Variants in ARSB observed in about 807,000 individuals in gnomAD.
The protein encoded by ARSB is arylsulfatase B, also known as N-acetylgalactosamine-4-sulfatase.
Under a neutral mutation model 50.9 loss-of-function variants are expected in ARSB, and 41 were observed. The observed-to-expected ratio is 0.81, with a 90% CI of 0.63 to 1.04. The LOEUF (loss-of-function observed/expected upper bound fraction) is 1.04. Among genes scored for constraint, ARSB ranks in the 50% least tolerant of loss-of-function variants. The pLI is 0.00. For missense variants in ARSB, 672 were observed against 693.3 expected (o/e 0.97, Z 0.35); for synonymous variants, 269 against 284.8 (o/e 0.94, Z 0.56).
intron 3 of ARSB, among the ~76,000 whole-genome samples, chr5:78,962,153 G>A (rs1447285810): frequency 6.6e-6 from 1 of 152,146 alleles, no homozygotes; most frequent in Non-Finnish European, 1.5e-5. Flanking sequence ...CCTTGAACAA[G>A]TTACTTAACT....
chr5:78,795,539 A>G (rs1743146234), intron 6 of ARSB, among the ~76,000 whole-genome samples: 1 of 152,162 alleles, frequency 6.6e-6, no homozygotes, highest in South Asian at 2.1e-4. Flanking sequence ...GGGAGGCCTG[A>G]CCACCATTAA....
intron 4 of ARSB, among the ~76,000 whole-genome samples, chr5:78,954,639 G>A (rs1355783464): frequency 6.6e-6 from 1 of 151,958 alleles, no homozygotes; most frequent in Non-Finnish European, 1.5e-5. Context: ...CGAGTAGCTG[G>A]GACTACATGC....
chr5:78,849,679 C>T (rs1745653586), intron 5 of ARSB, among the ~76,000 whole-genome samples: 2 of 148,158 alleles, frequency 1.3e-5, no homozygotes, highest in African/African-American at 4.9e-5. Context: ...AATATTGATT[C>T]TTCCTGTCCA....
At chr5:78,895,183 C>T (rs1464106342) in intron 4 of ARSB, among the ~76,000 whole-genome samples, 1 of 152,198 alleles carries the variant, frequency 6.6e-6, no homozygotes, top group Non-Finnish European at 1.5e-5. Flanking sequence ...TGTCTGGTGT[C>T]CTAATTTTAT....
At chr5:78,843,638 C>T (rs968891887) in intron 5 of ARSB, among the ~76,000 whole-genome samples, 1 of 152,168 alleles carries the variant, frequency 6.6e-6, no homozygotes. Flanking sequence ...GCACAATCAT[C>T]AACAGTCTAA....
intron 4 of ARSB, among the ~76,000 whole-genome samples, chr5:78,907,701 G>A (rs897085287): frequency 1.2e-4 from 18 of 152,296 alleles, no homozygotes; most frequent in East Asian, 1.2e-3. Context: ...ACCACAAAGC[G>A]GGGGAGGCCA....
intron 4 of ARSB, among the ~76,000 whole-genome samples, chr5:78,947,643 C>T (rs745495347): frequency 2.4e-4 from 36 of 152,074 alleles, no homozygotes; most frequent in Non-Finnish European, 3.2e-4. Flanking sequence ...TGAATGCTGG[C>T]GAGGATGTGG....
chr5:78,944,722 G>T (rs539708032), intron 4 of ARSB, among the ~76,000 whole-genome samples: 29 of 152,348 alleles, frequency 1.9e-4, no homozygotes, highest in South Asian at 4.1e-4. Flanking sequence ...CTACTCGGGG[G>T]TCAGGGACCC....
intron 6 of ARSB, among the ~76,000 whole-genome samples, chr5:78,813,479 C>T (rs1156994351): frequency 7.2e-5 from 11 of 152,150 alleles, no homozygotes; most frequent in African/African-American, 2.7e-4. Flanking sequence ...AATGCAAGGC[C>T]AGGCACAGTG....
At position 78,969,120 on chromosome 5, in the gene ARSB, G is replaced by A. The variant is rs1421401801; in HGVS notation, c.385C>T (p.Leu129=). Residue 129 remains leucine, a synonymous_variant, in exon 2 of 8, where the codon CTG becomes TTG. Transcript: ENST00000264914. ...PSCVPLDEKL[L]PQLLKEAGYT... ...CCTGCTTCTTTTAGGAGCTGGGGCA[G>A]GAGTTTTTCATCCAGAGGAACACAG... 2 of 1,614,048 alleles carry A rather than the reference G, an allele frequency of 1.2e-6. No homozygotes were observed. The highest frequency in any genetic ancestry group is 1.7e-6 in the Non-Finnish European group (2 of 1,180,014).
intron 6 of ARSB, among the ~76,000 whole-genome samples, chr5:78,794,015 C>G (rs961243515): frequency 1.3e-5 from 2 of 152,038 alleles, no homozygotes; most frequent in Non-Finnish European, 2.9e-5. Flanking sequence ...CTGTAGAGCC[C>G]GTACATTTAG....
chr5:78,922,269 G>A (rs949860151), intron 4 of ARSB, among the ~76,000 whole-genome samples: 1 of 151,950 alleles, frequency 6.6e-6, no homozygotes, highest in Non-Finnish European at 1.5e-5. Context: ...AGTGCAGCTC[G>A]CAGCCCTGGG....
At chr5:78,859,654 TAGA>T (rs1472399569) in intron 5 of ARSB, among the ~76,000 whole-genome samples, 3 of 152,026 alleles carry the variant, frequency 2.0e-5, no homozygotes, top group South Asian at 2.1e-4. Context: ...CCAAAGAAAG[TAGA>T]AGAAGATGGA....
At chr5:78,964,818 C>T (rs1752137513) in intron 2 of ARSB, among the ~76,000 whole-genome samples, 1 of 151,938 alleles carries the variant, frequency 6.6e-6, no homozygotes, top group Non-Finnish European at 1.5e-5. Context: ...ATTCCTCATT[C>T]GCCTTTAGAA....
intron 6 of ARSB, among the ~76,000 whole-genome samples, chr5:78,784,817 T>C (rs1437080264): frequency 6.6e-6 from 1 of 150,382 alleles, no homozygotes; most frequent in Non-Finnish European, 1.5e-5. Flanking sequence ...TTTTTTTTTT[T>C]AGATGGAGTC....
At chr5:78,790,227 G>A (rs1231028708) in intron 6 of ARSB, among the ~76,000 whole-genome samples, 20 of 152,138 alleles carry the variant, frequency 1.3e-4, no homozygotes, top group Admixed American at 1.3e-3. Flanking sequence ...GTACACAGTA[G>A]CATAGAACAT....
chr5:78,938,332 T>A (rs1259801924), intron 4 of ARSB, among the ~76,000 whole-genome samples: 1 of 152,230 alleles, frequency 6.6e-6, no homozygotes, highest in Non-Finnish European at 1.5e-5. Flanking sequence ...CAACATGCTC[T>A]CAGTGTGGAC....
Position 78,940,886 on chromosome 5 carries a change from T to A in ARSB, c.898+14409A>T, listed in dbSNP as rs1342091947. On this transcript the variant is annotated intron_variant, in intron 4 of 7. Coordinates refer to ENST00000264914, the MANE Select transcript of ARSB (RefSeq NM_000046.5). ...AAATTACCTTGGGCAGTATGGCCATTTTCACAATATTGATTCTTCCTACCC... is the reference window on the plus strand; with the variant it reads ...AAATTACCTTGGGCAGTATGGCCATATTCACAATATTGATTCTTCCTACCC... 2.0e-5 allele frequency among the ~76,000 whole-genome samples: 3 copies of A among 152,216 alleles called. No individual in the cohort carries two copies. The South Asian group carries it at 6.2e-4, about 32-fold the overall frequency.
chr5:78,965,179 C>A (rs1410731240), intron 2 of ARSB, among the ~76,000 whole-genome samples: 1 of 152,146 alleles, frequency 6.6e-6, no homozygotes. Context: ...AAAGTGAGCA[C>A]TGAAATAAGA....
Sources: gnomAD v4.1 joint callset for allele counts (sites outside exome capture counted in the v4.1 genomes callset) on GRCh38, gnomAD v4.1.1 for gene constraint, MANE v1.5 for transcripts, NCBI Gene and HGNC (gene_info 2026-07-23, HGNC 2026-07-21) for gene names.